ASAP1: variants seen among roughly 807,000 people sequenced by gnomAD.
ASAP1 encodes the protein arf-GAP with SH3 domain, ANK repeat and PH domain-containing protein 1.
A neutral mutation model predicts 145.2 loss-of-function variants in ASAP1; 43 were observed. That is an observed-to-expected ratio of 0.30 (90% CI 0.23 to 0.38). ASAP1 has a LOEUF of 0.38. Among genes scored for constraint, ASAP1 ranks in the 10% least tolerant of loss-of-function variants. The pLI is 1.00. For synonymous variants in ASAP1, 546 were observed against 515.5 expected (o/e 1.06, Z -0.80); for missense variants, 1,018 against 1,355.3 (o/e 0.75, Z 3.91).
At chr8:130,397,539 C>T (rs1269917964) in intron 2 of ASAP1, among the ~76,000 whole-genome samples, 3 of 152,208 alleles carry the variant, frequency 2.0e-5, no homozygotes, top group Non-Finnish European at 4.4e-5. Flanking sequence ...CTCACAAGGG[C>T]GAGCACTTGC....
At chr8:130,365,242 T>C (rs1207409475) in intron 2 of ASAP1, among the ~76,000 whole-genome samples, 1 of 152,192 alleles carries the variant, frequency 6.6e-6, no homozygotes, top group Admixed American at 6.5e-5. Flanking sequence ...TGCTCAAGGT[T>C]AACAGTTAAT....
In ASAP1 at chr8:130,433,910, A is replaced by G. The variant is rs545203656; in HGVS notation, c.-28+9550T>C. Among the ~76,000 whole-genome samples the G allele has an allele frequency of 3.4e-3, 516 of 152,378 alleles. 7 individuals carry two copies. The highest frequency in any genetic ancestry group is 2.8e-3 in the Non-Finnish European group (193 of 68,040). ...AGAAAGGCTAAAAGCAGACTCTTCC[A>G]AGGCCACATGAAGAATTAAGGCGTG... is the stretch of plus-strand genomic sequence containing the variant. On this transcript the variant is annotated intron_variant, in intron 1 of 29. Transcript: ENST00000518721.
At chr8:130,386,652 CAGTT>C (rs1828031801) in intron 2 of ASAP1, 1 of 152,252 alleles carries the variant, frequency 6.6e-6, no homozygotes, top group Non-Finnish European at 1.5e-5. Context: ...TCTGCAGAAA[CAGTT>C]AGAAGCGGAC....
At chr8:130,271,730 G>A (rs977154205) in intron 3 of ASAP1, among the ~76,000 whole-genome samples, 3 of 152,136 alleles carry the variant, frequency 2.0e-5, no homozygotes, top group African/African-American at 7.2e-5. Context: ...CCAGGATTTC[G>A]TATCATTAGG....
chr8:130,357,974 G>C (rs745596288), intron 3 of ASAP1, 43 bp downstream of exon 3: 1 of 1,571,442 alleles, frequency 6.4e-7, no homozygotes, highest in East Asian at 2.3e-5. Context: ...GCTGCGCGGC[G>C]GCAGCGGCGA....
intron 24 of ASAP1, among the ~76,000 whole-genome samples, chr8:130,100,521 G>C (rs1380297572): frequency 6.6e-6 from 1 of 151,990 alleles, no homozygotes; most frequent in African/African-American, 2.4e-5. Context: ...TAGAGATGGG[G>C]TTTCACCATG....
chr8:130,404,227 C>T (rs1462993275), intron 1 of ASAP1, among the ~76,000 whole-genome samples: 1 of 152,190 alleles, frequency 6.6e-6, no homozygotes, highest in Non-Finnish European at 1.5e-5. Flanking sequence ...AAACCATTTC[C>T]TTCAAACTTA....
intron 2 of ASAP1, among the ~76,000 whole-genome samples, chr8:130,388,109 G>A (rs1382639117): frequency 6.6e-6 from 1 of 152,236 alleles, no homozygotes; most frequent in Non-Finnish European, 1.5e-5. Context: ...GTGGGGGACA[G>A]GAGGTACAGG....
At chr8:130,351,444 TATAAG>T (rs1825987361) in intron 3 of ASAP1, among the ~76,000 whole-genome samples, 1 of 152,198 alleles carries the variant, frequency 6.6e-6, no homozygotes, top group Admixed American at 6.5e-5. Flanking sequence ...AAGATATATA[TATAAG>T]GTGTGTTAGG....
At chr8:130,396,878 T>C (rs534726169) in intron 2 of ASAP1, among the ~76,000 whole-genome samples, 1 of 152,298 alleles carries the variant, frequency 6.6e-6, no homozygotes, top group South Asian at 2.1e-4. Context: ...GAGGAGGGTC[T>C]AAAGTTTAGG....
intron 3 of ASAP1, among the ~76,000 whole-genome samples, chr8:130,267,054 T>A (rs1365709868): frequency 6.8e-5 from 10 of 146,126 alleles, no homozygotes; most frequent in Admixed American, 1.4e-4. Context: ...AAAAAAGTAG[T>A]CATTAAGAGG....
intron 3 of ASAP1, among the ~76,000 whole-genome samples, chr8:130,269,190 C>CT (rs370262385): frequency 0.026 from 4,017 of 152,200 alleles, 62 homozygotes; most frequent in Middle Eastern, 0.044. Context: ...TGAAATTGGC[C>CT]TTTTGTCTAG....
intron 3 of ASAP1, among the ~76,000 whole-genome samples, chr8:130,270,125 G>A (rs893896590): frequency 1.3e-5 from 2 of 152,196 alleles, no homozygotes; most frequent in Admixed American, 6.5e-5. Flanking sequence ...AGCTGAGATC[G>A]TGCCACTGCA....
intron 3 of ASAP1, among the ~76,000 whole-genome samples, chr8:130,324,147 A>C (rs1005556772): frequency 6.6e-6 from 1 of 152,224 alleles, no homozygotes; most frequent in Non-Finnish European, 1.5e-5. Context: ...GTGAGTTTCT[A>C]ATCAGGAAGA....
intron 3 of ASAP1, among the ~76,000 whole-genome samples, chr8:130,356,540 AAAAAGAAAAAAG>A (rs1259530136): frequency 2.6e-5 from 4 of 152,244 alleles, no homozygotes; most frequent in Non-Finnish European, 5.9e-5. Context: ...AAAGACAAAA[AAAAAGAAAAAAG>A]AAAAGAAAAA....
chr8:130,091,913 G>T (rs997704732), intron 25 of ASAP1, 60 bp downstream of exon 25: 2 of 1,459,702 alleles, frequency 1.4e-6, no homozygotes, highest in Admixed American at 5.4e-5. Flanking sequence ...CCACTGCCCA[G>T]TGGAGCCCCA....
chr8:130,091,832 TGTCATATATACCCGA>T (rs1267005961), intron 25 of ASAP1, 126 bp downstream of exon 25: 1 of 881,022 alleles, frequency 1.1e-6, no homozygotes, highest in African/African-American at 1.8e-5. Context: ...GGTAGAATCA[TGTCATATATACCCGA>T]GTCAGCACCC....
intron 18 of ASAP1, among the ~76,000 whole-genome samples, chr8:130,123,437 C>A (rs797015092): frequency 6.6e-6 from 1 of 152,090 alleles, no homozygotes; most frequent in African/African-American, 2.4e-5. Flanking sequence ...GAGAGAACTG[C>A]CCCCATGACA....
chr8:130,306,094 T>C (rs1822975156), intron 3 of ASAP1, among the ~76,000 whole-genome samples: 1 of 152,216 alleles, frequency 6.6e-6, no homozygotes, highest in South Asian at 2.1e-4. Context: ...CTATGAGACC[T>C]TCAGCAAGAA....
Sources: allele counts gnomAD v4.1 joint callset (sites outside exome capture counted in the v4.1 genomes callset), GRCh38; gene constraint gnomAD v4.1.1; transcripts MANE v1.5; gene names NCBI Gene and HGNC (gene_info 2026-07-23, HGNC 2026-07-21).